MACF1: variants seen among roughly 807,000 people sequenced by gnomAD.
MACF1 encodes microtubule actin crosslinking factor 1.
Under a neutral mutation model 854.8 loss-of-function variants are expected in MACF1, and 193 were observed. The observed-to-expected ratio is 0.23, with a 90% CI of 0.20 to 0.25. The LOEUF (loss-of-function observed/expected upper bound fraction) is 0.25, where lower values mean the gene tolerates loss of function less well. Ranked by LOEUF, MACF1 falls within the 10% of genes least tolerant of loss-of-function variation. MACF1 has a pLI of 1.00. For missense variants in MACF1, 7,722 were observed against 8,929.1 expected, an observed-to-expected ratio of 0.86 and a Z score of 5.45; for synonymous variants, 3,185 against 3,226.7, an observed-to-expected ratio of 0.99 and a Z score of 0.44.
intron 2 of MACF1, among the ~76,000 whole-genome samples, chr1:39,163,366 GAAAA>G (rs1643844430): frequency 7.8e-6 from 1 of 127,698 alleles, no homozygotes; most frequent in African/African-American, 2.8e-5. Context: ...AAAAAGAAAA[GAAAA>G]GAAAAAAAGA....
At chr1:39,372,664 T>C in intron 52 of MACF1, 68 bp downstream of exon 52, 1 of 982,708 alleles carries the variant, frequency 1.0e-6, no homozygotes, top group Non-Finnish European at 1.6e-6. Flanking sequence ...TGGAGATGCC[T>C]CCTTATATAA....
intron 19 of MACF1, among the ~76,000 whole-genome samples, chr1:39,295,586 C>A (rs1038336093): frequency 6.6e-6 from 1 of 152,164 alleles, no homozygotes; most frequent in Non-Finnish European, 1.5e-5. Flanking sequence ...TTCTATGTAA[C>A]CCCCTCTAAC....
Position 39,291,974 on chromosome 1 carries a change from A to G in MACF1, c.1850A>G (p.Gln617Arg). ...AGTGTGGAGTTGCAGCTAGAAACAC[A>G]GCAGCACATCCATACGAGTGTAGAA... ...LPSVELQLET[Q>R]QHIHTSVEEL... is the part of the protein sequence containing the mutation. Residue 617 changes from glutamine to arginine, a missense_variant, in exon 16 of 101, where the codon CAG becomes CGG. By Grantham distance (43) the Gln-to-Arg change is conservative. Transcript: ENST00000564288. The G allele has an allele frequency of 6.2e-7, 1 of 1,614,132 alleles. No homozygotes were observed. The highest frequency in any genetic ancestry group is 8.5e-7 in the Non-Finnish European group (1 of 1,180,020).
At chr1:39,465,567 C>G (rs1479445892) in intron 95 of MACF1, among the ~76,000 whole-genome samples, 1 of 152,170 alleles carries the variant, frequency 6.6e-6, no homozygotes, top group East Asian at 1.9e-4. Context: ...TACAAGGTAT[C>G]TGAGAAGTGT....
rs1484718100 is a variant in MACF1, at chr1:39,483,106, AAAAAAAC to A, written c.22282-1493_22282-1487del. Reference sequence around the variant, plus strand: ...TGTCTCAAAAAAAAAAAAAAAAAAAAAAAAAACACCCACACATTTAAAATACTCTTTT... The same window carrying A: ...TGTCTCAAAAAAAAAAAAAAAAAAAAACCCACACATTTAAAATACTCTTTT... On this transcript the variant is annotated intron_variant, in intron 99 of 100. Coordinates refer to ENST00000564288, the MANE Select transcript of MACF1 (RefSeq NM_001394062.1). Among the ~76,000 whole-genome samples, 244 of 122,924 alleles carry A rather than the reference AAAAAAAC, an allele frequency of 2.0e-3. 9 individuals carry two copies. The highest frequency in any genetic ancestry group is 3.7e-3 in the African/African-American group (97 of 26,456). 80.6% of individuals were successfully genotyped at this position (122,924 alleles called of 152,430 possible).
rs774081791 is a variant in MACF1 at position 39,443,551 on chromosome 1, A to G, written c.19408A>G (p.Arg6470Gly). Residue 6470 changes from arginine to glycine, a missense_variant, in exon 79 of 101, where the codon AGG becomes GGG. This residue lies in a region of MACF1 where 729 missense variants were observed against 900.5 expected (regional missense o/e 0.81). Transcript: ENST00000564288. ...KPTGGLPETAREQLDTHMELY... is the reference protein window; with the variant it reads ...KPTGGLPETAGEQLDTHMELY... Reference sequence around the variant, plus strand: ...CACAGGAGGACTTCCTGAAACTGCTAGGGAACAGCTTGATACACATATGGT... The same window carrying G: ...CACAGGAGGACTTCCTGAAACTGCTGGGGAACAGCTTGATACACATATGGT... The G allele has an allele frequency of 6.2e-6, 10 of 1,612,994 alleles. No individual in the cohort carries two copies. The Admixed American group carries it at 1.2e-4, about 19-fold the overall frequency.
chr1:39,195,663 T>G (rs1277751535), intron 2 of MACF1, among the ~76,000 whole-genome samples: 1 of 152,048 alleles, frequency 6.6e-6, no homozygotes, highest in Non-Finnish European at 1.5e-5. Flanking sequence ...GAAATAGGAG[T>G]TTAATATCTG....
intron 49 of MACF1, among the ~76,000 whole-genome samples, chr1:39,361,935 G>A (rs1162430995): frequency 6.6e-6 from 1 of 152,144 alleles, no homozygotes; most frequent in Non-Finnish European, 1.5e-5. Flanking sequence ...GTCACTCAAG[G>A]GATGCAGATT....
chr1:39,445,066 A>G (rs757416157), intron 80 of MACF1, among the ~76,000 whole-genome samples: 2 of 152,156 alleles, frequency 1.3e-5, no homozygotes, highest in African/African-American at 4.8e-5. Flanking sequence ...TCGCTTCGTG[A>G]TGGGCTTTAT....
At chr1:39,169,604 CAAAAA>C (rs61000226) in intron 2 of MACF1, among the ~76,000 whole-genome samples, 2 of 93,588 alleles carry the variant, frequency 2.1e-5, no homozygotes, top group Non-Finnish European at 4.5e-5. Context: ...GACCCTGTCT[CAAAAA>C]AAAAAAAAAA....
chr1:39,471,346 A>C (rs932315392), intron 97 of MACF1, among the ~76,000 whole-genome samples: 1 of 152,202 alleles, frequency 6.6e-6, no homozygotes, highest in Non-Finnish European at 1.5e-5. Context: ...TTCTGGAAAC[A>C]GTGCTTATGG....
intron 2 of MACF1, among the ~76,000 whole-genome samples, chr1:39,095,995 C>T (rs1484054923): frequency 6.6e-6 from 1 of 151,486 alleles, no homozygotes. Flanking sequence ...ATAGTGAGAC[C>T]TTGTCTCTAG....
At chr1:39,414,298 C>T (rs771682173) in intron 58 of MACF1, 1 of 1,613,912 alleles carries the variant, frequency 6.2e-7, no homozygotes, top group Non-Finnish European at 8.5e-7. Context: ...AGTTTCTGCC[C>T]ACACTGACTC....
intron 3 of MACF1, among the ~76,000 whole-genome samples, chr1:39,250,724 A>G (rs948696578): frequency 7.9e-5 from 12 of 152,166 alleles, no homozygotes; most frequent in African/African-American, 2.7e-4. Context: ...TCTTCCCAAA[A>G]TGTTCTAACA....
intron 2 of MACF1, among the ~76,000 whole-genome samples, chr1:39,248,427 A>C (rs1645005637): frequency 6.6e-6 from 1 of 151,474 alleles, no homozygotes. Context: ...TGAGCCTTAA[A>C]CTCCTGGGCT....
chr1:39,146,565 G>A (rs1643469591), intron 2 of MACF1, among the ~76,000 whole-genome samples: 3 of 152,098 alleles, frequency 2.0e-5, no homozygotes, highest in Admixed American at 2.0e-4. Flanking sequence ...GGAACTGGAG[G>A]ACATTATGTT....
rs1180383 is a variant in MACF1 at position 39,380,595 on chromosome 1, G to A, written c.13648+222G>A. 0.4 allele frequency among the ~76,000 whole-genome samples: 61,250 copies of A among 151,990 alleles called. 14,429 individuals carry two copies. The highest frequency in any genetic ancestry group is 0.66 in the African/African-American group (27,480 of 41,436). On this transcript the variant is annotated intron_variant, in intron 55 of 100. Transcript: ENST00000564288. ...TGGCTTTCTTGGGCAAGTCAAACTG[G>A]TAATCTACTGTGATCAAGAACCAAA...
chr1:39,383,702 C>T (rs113439202), intron 56 of MACF1, among the ~76,000 whole-genome samples: 8,142 of 152,090 alleles, frequency 0.054, 295 homozygotes, highest in Admixed American at 0.076. Flanking sequence ...ACAGTGAAAC[C>T]CTGTTTCTAC....
chr1:39,236,046 A>G (rs1454726698), intron 2 of MACF1, among the ~76,000 whole-genome samples: 3 of 152,132 alleles, frequency 2.0e-5, no homozygotes, highest in Admixed American at 2.0e-4. Context: ...TCTAAATCAG[A>G]CATTCTGTAT....
Sources: gnomAD v4.1 joint callset for allele counts (sites outside exome capture counted in the v4.1 genomes callset) on GRCh38, gnomAD v4.1.1 for gene constraint, gnomAD v4.1.1 regional missense constraint, MANE v1.5 for transcripts, NCBI Gene and HGNC (gene_info 2026-07-23, HGNC 2026-07-21) for gene names.